The following NAV3 variants were observed in gnomAD, a reference collection of about 807,000 sequenced individuals.
The protein encoded by NAV3 is neuron navigator 3.
In NAV3, 87 loss-of-function variants were observed where a neutral mutation model predicts 244.7. That is an observed-to-expected ratio of 0.36 (90% confidence interval 0.30 to 0.42). The LOEUF (loss-of-function observed/expected upper bound fraction) is 0.42. Ranked by LOEUF, NAV3 falls within the 20% of genes least tolerant of loss-of-function variation. The pLI is 1.00. For synonymous variants in NAV3, 1,126 were observed against 1,042.2 expected (o/e 1.08, Z -1.55); for missense variants, 2,663 against 2,893.3 (o/e 0.92, Z 1.83).
At chr12:78,188,172 T>C in intron 31 of NAV3, 76 bp from the exon 32 acceptor site, 1 of 1,120,504 alleles carries the variant, frequency 8.9e-7, no homozygotes, top group Non-Finnish European at 1.3e-6. Flanking sequence ...CTACATTAAC[T>C]AATTTTAGTA....
chr12:77,635,610 A>T (rs1354635164), intron 2 of NAV3, among the ~76,000 whole-genome samples: 1 of 152,204 alleles, frequency 6.6e-6, no homozygotes, highest in East Asian at 1.9e-4. Flanking sequence ...CTTCCTGATA[A>T]ATTGGGACTG....
intron 29 of NAV3, among the ~76,000 whole-genome samples, chr12:78,179,925 T>C (rs961832568): frequency 1.3e-5 from 2 of 152,124 alleles, no homozygotes; most frequent in Admixed American, 1.3e-4. Context: ...ACTGTACTAG[T>C]AATTGGATTC....
intron 2 of NAV3, among the ~76,000 whole-genome samples, chr12:77,678,220 G>A (rs1277633683): frequency 6.6e-6 from 1 of 152,088 alleles, no homozygotes; most frequent in Non-Finnish European, 1.5e-5. Flanking sequence ...ATATAATACA[G>A]TAATGTTATA....
intron 1 of NAV3, among the ~76,000 whole-genome samples, chr12:77,843,917 G>T (rs2136191252): frequency 6.6e-6 from 1 of 152,172 alleles, no homozygotes; most frequent in Admixed American, 6.5e-5. Context: ...GGGATTATAT[G>T]AAGAAAAGAA....
At chr12:77,719,549 C>A (rs1209269604) in intron 2 of NAV3, among the ~76,000 whole-genome samples, 1 of 152,096 alleles carries the variant, frequency 6.6e-6, no homozygotes, top group African/African-American at 2.4e-5. Context: ...TTTTCTGCCC[C>A]TGTTGACATA....
intron 2 of NAV3, among the ~76,000 whole-genome samples, chr12:77,650,622 G>T (rs1872781184): frequency 1.3e-5 from 2 of 152,054 alleles, no homozygotes; most frequent in African/African-American, 2.4e-5. Context: ...CTTGACTTTA[G>T]TTATTTAGTG....
intron 2 of NAV3, among the ~76,000 whole-genome samples, chr12:77,676,666 G>A (rs998491744): frequency 6.6e-6 from 1 of 151,654 alleles, no homozygotes; most frequent in Non-Finnish European, 1.5e-5. Flanking sequence ...GTGATTTGCT[G>A]CACCTATCAA....
intron 2 of NAV3, among the ~76,000 whole-genome samples, chr12:77,795,748 C>T (rs368468016): frequency 7.1e-4 from 108 of 152,254 alleles, no homozygotes; most frequent in African/African-American, 2.5e-3. Flanking sequence ...GAAGTCAATG[C>T]TCATTGACCA....
intron 2 of NAV3, among the ~76,000 whole-genome samples, chr12:77,760,882 A>C (rs1869427271): frequency 6.6e-6 from 1 of 152,096 alleles, no homozygotes; most frequent in South Asian, 2.1e-4. Context: ...TTGCACAGAG[A>C]ACTGAATTTC....
chr12:78,119,561 ATGT>A lies in NAV3; in HGVS notation c.3369_3371del (p.Val1124del), dbSNP rs1566161974. The A allele has an allele frequency of 2.5e-6, 4 of 1,614,014 alleles. No homozygotes were observed. The highest frequency in any genetic ancestry group is 3.4e-6 in the Non-Finnish European group (4 of 1,180,026). On this transcript the variant is annotated inframe_deletion, in exon 15 of 40. Coordinates refer to ENST00000397909, the MANE Select transcript of NAV3 (RefSeq NM_001024383.2). ...TTGGACGGTTCACAGAATCAGGATG[ATGT>A]TGTGCTGCATGTTAGCTCAAAGACT...
chr12:77,765,160 A>C (rs967961228), intron 2 of NAV3, among the ~76,000 whole-genome samples: 1 of 152,190 alleles, frequency 6.6e-6, no homozygotes, highest in African/African-American at 2.4e-5. Context: ...GAGACTTCTG[A>C]CTTAGTTTTG....
intron 2 of NAV3, among the ~76,000 whole-genome samples, chr12:77,691,178 T>G (rs1198363881): frequency 6.6e-6 from 1 of 150,598 alleles, no homozygotes; most frequent in African/African-American, 2.4e-5. Flanking sequence ...AGTAATTCCA[T>G]CTCATAAATA....
chr12:78,025,595 CAAAAAAAAAAA>C (rs1186694789), intron 9 of NAV3, among the ~76,000 whole-genome samples: 10 of 55,574 alleles, frequency 1.8e-4, no homozygotes, highest in African/African-American at 3.8e-4. Flanking sequence ...GACTCCATCT[CAAAAAAAAAAA>C]AAAAAAAAAA....
intron 2 of NAV3, among the ~76,000 whole-genome samples, chr12:77,773,259 T>C (rs2135885727): frequency 6.6e-6 from 1 of 151,766 alleles, no homozygotes; most frequent in South Asian, 2.1e-4. Flanking sequence ...CTAGTGATAA[T>C]TGTCACAGAT....
chr12:77,923,854 A>G (rs1887940255), intron 1 of NAV3, among the ~76,000 whole-genome samples: 1 of 152,102 alleles, frequency 6.6e-6, no homozygotes, highest in African/African-American at 2.4e-5. Context: ...TATGCTCAGA[A>G]GATGCTATTA....
intron 5 of NAV3, among the ~76,000 whole-genome samples, chr12:77,976,240 G>A (rs1593171661): frequency 6.6e-6 from 1 of 152,228 alleles, no homozygotes; most frequent in Non-Finnish European, 1.5e-5. Flanking sequence ...GAGGCCATTG[G>A]AATTGCAAAA....
intron 2 of NAV3, among the ~76,000 whole-genome samples, chr12:77,778,505 G>T (rs943144918): frequency 3.3e-5 from 5 of 151,382 alleles, no homozygotes; most frequent in South Asian, 4.2e-4. Flanking sequence ...CCAGCTACTC[G>T]GGAGGCTGAG....
At chr12:77,812,970 G>A (rs1872365113) in intron 2 of NAV3, among the ~76,000 whole-genome samples, 1 of 151,998 alleles carries the variant, frequency 6.6e-6, no homozygotes, top group Non-Finnish European at 1.5e-5. Context: ...GGGATTACAG[G>A]CATGCATCAC....
In NAV3 at chr12:78,191,521, A is replaced by G. The variant is rs1484246485; in HGVS notation, c.6291+1302A>G. 7.2e-5 allele frequency among the ~76,000 whole-genome samples: 11 copies of G among 152,294 alleles called. No homozygotes were observed. The South Asian group carries it at 2.3e-3, about 32-fold the overall frequency. On this transcript the variant is annotated intron_variant, in intron 34 of 39. Transcript: ENST00000397909. ...GTCCTTCAAAAACAACGATGTACAT[A>G]AAGCACAATGGGATCTCTTAAAGTT...
Sources: gnomAD v4.1 joint callset for allele counts (sites outside exome capture counted in the v4.1 genomes callset) on GRCh38, gnomAD v4.1.1 for gene constraint, MANE v1.5 for transcripts, NCBI Gene and HGNC (gene_info 2026-07-23, HGNC 2026-07-21) for gene names.